CEACAM1: variants seen among roughly 807,000 people sequenced by gnomAD.
CEACAM1 encodes the protein CEA cell adhesion molecule 1.
CEACAM1 carries 31 observed loss-of-function variants against 49.1 expected under a neutral mutation model. The ratio of observed to expected loss-of-function variants is 0.63; its 90% confidence interval spans 0.47 to 0.85. The LOEUF is 0.85. Ranked by LOEUF, CEACAM1 falls within the 40% of genes least tolerant of loss-of-function variation. CEACAM1 has a pLI of 0.00. For synonymous variants in CEACAM1, 244 were observed against 247.8 expected (o/e 0.98, Z 0.14); for missense variants, 570 against 645.3 (o/e 0.88, Z 1.26).
rs372076934 is a variant in CEACAM1 at position 42,512,355 on chromosome 19, G to A, written c.1371C>T (p.Thr457=). The A allele has an allele frequency of 5.0e-6, 8 of 1,613,968 alleles. No individual in the cohort carries two copies. Among genetic ancestry groups the A allele is most frequent in the East Asian group, 2.2e-5 (1 of 44,876 alleles). Residue 457 remains threonine, a synonymous_variant, in exon 6 of 9, where the codon ACC becomes ACT. Transcript: ENST00000161559. The stretch of plus-strand genomic sequence containing the variant: ...AAGAGGAAAGGCCATCATACCTGCC[G>A]GTCTTCCCGAAATGCAGAAAACATG... The part of the protein sequence containing the change: ...ALACFLHFGK[T]GRASDQRDLT...
At chr19:42,513,893 C>CATATATATATATATATATAT (rs144403954) in intron 5 of CEACAM1, among the ~76,000 whole-genome samples, 13 of 104,946 alleles carry the variant, frequency 1.2e-4, no homozygotes, top group African/African-American at 5.3e-4. Context: ...CTTCTCCCTC[C>CATATATATATATATATATAT]ATATATATAT....
intron 5 of CEACAM1, among the ~76,000 whole-genome samples, chr19:42,515,885 A>C (rs1207489802): frequency 6.6e-6 from 1 of 152,196 alleles, no homozygotes; most frequent in Non-Finnish European, 1.5e-5. Context: ...AGAAACACAA[A>C]ACCTGCCATG....
intron 1 of CEACAM1, 85 bp from the exon 2 acceptor site, chr19:42,527,485 CTT>C: frequency 2.0e-5 from 29 of 1,485,592 alleles, no homozygotes; most frequent in Non-Finnish European, 2.6e-5. Context: ...GAGCAGGTGT[CTT>C]CACCCCTCCA....
intron 8 of CEACAM1, among the ~76,000 whole-genome samples, chr19:42,510,278 G>A (rs1420258105): frequency 6.6e-6 from 1 of 151,952 alleles, no homozygotes; most frequent in Non-Finnish European, 1.5e-5. Flanking sequence ...AGTAGAGCTG[G>A]GGTTTCACCA....
chr19:42,523,093 T>C (rs1308619547), intron 2 of CEACAM1, among the ~76,000 whole-genome samples: 1 of 152,218 alleles, frequency 6.6e-6, no homozygotes, highest in African/African-American at 2.4e-5. Flanking sequence ...GGCTGATGCC[T>C]GCCTGACCCA....
intron 1 of CEACAM1, 83 bp downstream of exon 1, chr19:42,528,228 T>C: frequency 2.4e-6 from 3 of 1,244,450 alleles, no homozygotes; most frequent in South Asian, 1.3e-5. Context: ...CTGTCCCCTC[T>C]TAGAGCTCCA....
At chr19:42,515,734 AAAG>A (rs1162001759) in intron 5 of CEACAM1, among the ~76,000 whole-genome samples, 1 of 152,228 alleles carries the variant, frequency 6.6e-6, no homozygotes, top group Non-Finnish European at 1.5e-5. Context: ...ACTAAGAAAG[AAAG>A]AAGATTCAAA....
chr19:42,521,772 A>C, intron 3 of CEACAM1, 152 bp downstream of exon 3: 2 of 1,548,154 alleles, frequency 1.3e-6, no homozygotes, highest in Non-Finnish European at 1.7e-6. Context: ...GGGGCTGCCC[A>C]GGTTTGCCTG....
At chr19:42,525,261 G>C (rs1346110806) in intron 2 of CEACAM1, among the ~76,000 whole-genome samples, 1 of 142,806 alleles carries the variant, frequency 7.0e-6, no homozygotes, top group Non-Finnish European at 1.5e-5. Context: ...GTCTCACTCT[G>C]TCTCCCAGGC....
At chr19:42,510,471 G>A (rs2041431191) in intron 8 of CEACAM1, among the ~76,000 whole-genome samples, 1 of 152,246 alleles carries the variant, frequency 6.6e-6, no homozygotes, top group Admixed American at 6.5e-5. Flanking sequence ...GACAATAAGA[G>A]CAGGATCAGA....
intron 8 of CEACAM1, among the ~76,000 whole-genome samples, chr19:42,509,875 C>T (rs1259989442): frequency 6.6e-6 from 1 of 152,122 alleles, no homozygotes; most frequent in Non-Finnish European, 1.5e-5. Flanking sequence ...GATCCACCTG[C>T]CTTGGCCTCC....
Position 42,507,904 on chromosome 19 carries a change from G to C in CEACAM1, c.*1205C>G, listed in dbSNP as rs919883143. ...AAGTGAATGGGGGCAAACAGAAAATGCACAGGTGCAAACATGGAATAGAAT... is the reference window on the plus strand; with the variant it reads ...AAGTGAATGGGGGCAAACAGAAAATCCACAGGTGCAAACATGGAATAGAAT... On this transcript the variant is annotated 3_prime_UTR_variant, in exon 9 of 9. Coordinates refer to ENST00000161559, the MANE Select transcript of CEACAM1 (RefSeq NM_001712.5). 2.0e-5 allele frequency: 3 copies of C among 152,382 alleles called. No homozygotes were observed. The East Asian group carries it at 5.8e-4, about 29-fold the overall frequency. The allele number at this position is 152,382 out of a possible 1,614,324, so 9.4% of individuals were successfully genotyped here.
chr19:42,521,044 C>T, intron 4 of CEACAM1: 1 of 541,304 alleles, frequency 1.8e-6, no homozygotes, highest in South Asian at 2.7e-5. Context: ...TGAGAGAACC[C>T]CCTCCCCACA....
In CEACAM1 at chr19:42,521,434, T is replaced by G; in HGVS notation, c.791A>C (p.Asn264Thr). Residue 264 changes from asparagine to threonine, a missense_variant, in exon 4 of 9, where the codon AAC becomes ACC. By Grantham distance (65) the Asn-to-Thr change is moderately conservative (BLOSUM62 0). Coordinates refer to ENST00000161559, the MANE Select transcript of CEACAM1 (RefSeq NM_001712.5). ...NLSLSCYAAS[N>T]PPAQYSWLIN... ...AAGCCAGGAGTACTGTGCAGGTGGGTTAGAGGCTGCATAGCAGGAGAGGCT... is the reference window on the plus strand; with the variant it reads ...AAGCCAGGAGTACTGTGCAGGTGGGGTAGAGGCTGCATAGCAGGAGAGGCT... 1 of 1,614,140 alleles carries G rather than the reference T, an allele frequency of 6.2e-7. No homozygotes were observed.
At position 42,527,105 on chromosome 19, in the gene CEACAM1, G is replaced by A. The variant is rs774401390; in HGVS notation, c.360C>T (p.Tyr120=). ...GATCTGACTTTATGACTTGTAGGGTGTAGAATCCTGTGTCATTCTGGGTGA... is the reference window on the plus strand; with the variant it reads ...GATCTGACTTTATGACTTGTAGGGTATAGAATCCTGTGTCATTCTGGGTGA... ...QNVTQNDTGF[Y]TLQVIKSDLV... The change falls in exon 2 of 9, where the codon TAC becomes TAT. Residue 120 remains tyrosine (Y), a synonymous_variant. Transcript: ENST00000161559. 3 of 1,614,006 alleles carry A rather than the reference G, an allele frequency of 1.9e-6. No homozygotes were observed. The highest frequency in any genetic ancestry group is 1.1e-5 in the South Asian group (1 of 91,052).
chr19:42,512,028 G>C (rs2041470053), intron 6 of CEACAM1, among the ~76,000 whole-genome samples: 2 of 151,802 alleles, frequency 1.3e-5, no homozygotes, highest in African/African-American at 4.8e-5. Flanking sequence ...CACATGACTT[G>C]CTTTCTCCTG....
At chr19:42,527,504 A>AGTGTGTGTGTGT (rs3038002) in intron 1 of CEACAM1, 104 bp from the exon 2 acceptor site, 142 of 715,626 alleles carry the variant, frequency 2.0e-4, no homozygotes, top group East Asian at 9.9e-4. Context: ...TCCACCTTGG[A>AGTGTGTGTGTGT]GTGTGTGTGT....
intron 2 of CEACAM1, among the ~76,000 whole-genome samples, chr19:42,523,972 C>T (rs1361501673): frequency 2.0e-5 from 3 of 152,086 alleles, no homozygotes; most frequent in Non-Finnish European, 1.5e-5. Flanking sequence ...AGAAACGATG[C>T]CATATGAGGA....
In CEACAM1 at chr19:42,519,235, T is replaced by C. The variant is rs781643211; in HGVS notation, c.959A>G (p.Glu320Gly). 1 of 1,613,926 alleles carries C rather than the reference T, an allele frequency of 6.2e-7. No individual in the cohort carries two copies. Among genetic ancestry groups the C allele is most frequent in the South Asian group, 1.1e-5 (1 of 91,076 alleles). The stretch of plus-strand genomic sequence containing the variant: ...GGGCTTTGCTACTACTGGACTTAGC[T>C]CTGTGGACAAGCAGAGTATCTGAGA... ...RTTVKTIIVT[E>G]LSPVVAKPQI... The change falls in exon 5 of 9, where the codon GAG (glutamate) becomes GGG (glycine). Residue 320 changes from glutamate (E) to glycine (G), a missense_variant and splice_region_variant. Glu to Gly is a moderately conservative substitution (Grantham distance 98). Transcript: ENST00000161559.
Sources: allele counts gnomAD v4.1 joint callset (sites outside exome capture counted in the v4.1 genomes callset), GRCh38; gene constraint gnomAD v4.1.1; transcripts MANE v1.5; gene names NCBI Gene and HGNC (gene_info 2026-07-23, HGNC 2026-07-21).